ARVCF: variants seen among roughly 807,000 people sequenced by gnomAD.
ARVCF encodes ARVCF delta catenin family member, also known as splicing regulator ARVCF.
ARVCF carries 66 observed loss-of-function variants against 90.9 expected under a neutral mutation model. The observed-to-expected ratio is 0.73, with a 90% CI of 0.60 to 0.89. ARVCF has a LOEUF of 0.89. ARVCF is among the 40% of genes least tolerant of loss of function. ARVCF has a pLI of 0.00. For missense variants in ARVCF, 1,469 were observed against 1,382.3 expected (o/e 1.06, Z -1.00); for synonymous variants, 653 against 603.4 (o/e 1.08, Z -1.21).
At chr22:19,986,367 C>T (rs1370187754) in intron 3 of ARVCF, among the ~76,000 whole-genome samples, 6 of 152,204 alleles carry the variant, frequency 3.9e-5, no homozygotes, top group Non-Finnish European at 5.9e-5. Flanking sequence ...CTCAGTTTCC[C>T]TGCCTGTTAC....
chr22:19,970,485 A>C lies in ARVCF; in HGVS notation c.*271T>G. ...TCCCTGGGCCCTGCCCCAGCAGCCC[A>C]GTCGGCCTCCTCGGGCCTTCTGTCA... On this transcript the variant is annotated 3_prime_UTR_variant, in exon 20 of 20. Transcript: ENST00000263207. 1 of 1,062,918 alleles carries C rather than the reference A, an allele frequency of 9.4e-7. No individual in the cohort carries two copies. Among genetic ancestry groups the C allele is most frequent in the Non-Finnish European group, 1.1e-6 (1 of 874,390 alleles). The allele number at this position is 1,062,918 out of a possible 1,614,324, so 65.8% of individuals were successfully genotyped here.
chr22:20,014,316 T>A (rs551419928), intron 1 of ARVCF, among the ~76,000 whole-genome samples: 1 of 152,050 alleles, frequency 6.6e-6, no homozygotes, highest in East Asian at 1.9e-4. Context: ...TGCCTCAGCC[T>A]CTTGAGTAGC....
intron 10 of ARVCF, 122 bp downstream of exon 10, chr22:19,976,584 G>T: frequency 1.5e-6 from 2 of 1,323,526 alleles, no homozygotes; most frequent in South Asian, 1.4e-5. Flanking sequence ...CTGTCATAAA[G>T]ATGGCAGCCC....
Position 19,990,628 on chromosome 22 carries a change from C to A in ARVCF, c.167G>T (p.Ser56Ile). The change falls in exon 3 of 20, where the codon AGT (serine) becomes ATT (isoleucine). Residue 56 changes from serine to isoleucine, a missense_variant. By Grantham distance (142) the Ser-to-Ile change is moderately radical. Coordinates refer to ENST00000263207, the MANE Select transcript of ARVCF (RefSeq NM_001670.3). ...QPGMVSGGMGSGQPLPMAWQQ... is the reference protein window; with the variant it reads ...QPGMVSGGMGIGQPLPMAWQQ... ...CCAGGCCATTGGCAGGGGCTGCCCA[C>A]TGCCCATGCCACCACTGACCATGCC... The A allele has an allele frequency of 6.2e-7, 1 of 1,609,976 alleles. No homozygotes were observed. The highest frequency in any genetic ancestry group is 8.5e-7 in the Non-Finnish European group (1 of 1,178,936).
rs528261566 is a variant in ARVCF at position 19,977,601 on chromosome 22, G to A, written c.1699-15C>T. ...TTCTCCACCGACTGCAGGGAGAGGTGAGTGGGTGGGGCAGGGCACCCTAGG... is the reference window on the plus strand; with the variant it reads ...TTCTCCACCGACTGCAGGGAGAGGTAAGTGGGTGGGGCAGGGCACCCTAGG... On this transcript the variant is annotated splice_polypyrimidine_tract_variant and intron_variant, in intron 8 of 19. Coordinates refer to ENST00000263207, the MANE Select transcript of ARVCF (RefSeq NM_001670.3). 15 of 1,507,684 alleles carry A rather than the reference G, an allele frequency of 9.9e-6. No individual in the cohort carries two copies. In the East Asian group the frequency reaches 2.9e-4, roughly 29 times the overall value. The allele number at this position is 1,507,684 out of a possible 1,614,324, so 93.4% of individuals were successfully genotyped here.
downstream of ARVCF, chr22:19,967,232 G>A: frequency 7.7e-7 from 1 of 1,303,218 alleles, no homozygotes; most frequent in Non-Finnish European, 1.0e-6. Context: ...TTGGGCTCCT[G>A]AGTCCCCTGG....
intron 2 of ARVCF, among the ~76,000 whole-genome samples, chr22:19,993,410 C>T (rs1261035372): frequency 6.6e-6 from 1 of 152,234 alleles, no homozygotes; most frequent in Non-Finnish European, 1.5e-5. Flanking sequence ...GCAAAATGTG[C>T]ATGGATTCTT....
intron 2 of ARVCF, among the ~76,000 whole-genome samples, chr22:20,008,479 T>C (rs1488127933): frequency 6.6e-6 from 1 of 152,170 alleles, no homozygotes; most frequent in Non-Finnish European, 1.5e-5. Context: ...GGTTCCTCTG[T>C]GTGTTGTGGA....
downstream of ARVCF, chr22:19,967,393 A>AT (rs61143203): frequency 0.19 from 69,793 of 359,096 alleles, 2,695 homozygotes; most frequent in African/African-American, 0.33. Context: ...TTGCTAGGAC[A>AT]TTTTTTTTTT....
intron 2 of ARVCF, among the ~76,000 whole-genome samples, chr22:19,993,796 A>C (rs1944119387): frequency 6.6e-6 from 1 of 152,246 alleles, no homozygotes; most frequent in African/African-American, 2.4e-5. Context: ...AACATCAGGA[A>C]CTGAAGGGGG....
At chr22:19,984,889 T>A (rs1288784304) in intron 3 of ARVCF, among the ~76,000 whole-genome samples, 1 of 152,148 alleles carries the variant, frequency 6.6e-6, no homozygotes, top group Non-Finnish European at 1.5e-5. Context: ...GAAACTGAGG[T>A]GTAGAGTAGT....
In ARVCF at chr22:20,003,755, A is replaced by G. The variant is rs147839868; in HGVS notation, c.-19+6700T>C. ...TGAAAGCTATATGTGAAAAGCCCAT[A>G]ACATCATACTCAATGGTGAAAGACT... On this transcript the variant is annotated intron_variant, in intron 2 of 19. Coordinates refer to ENST00000263207, the MANE Select transcript of ARVCF (RefSeq NM_001670.3). Among the ~76,000 whole-genome samples the G allele has an allele frequency of 1.6e-3, 251 of 152,358 alleles. 1 individual carries two copies. The highest frequency in any genetic ancestry group is 5.7e-3 in the African/African-American group (239 of 41,590).
At chr22:19,969,779 C>G, downstream of ARVCF, 1 of 948,484 alleles carries the variant, frequency 1.1e-6, no homozygotes, top group Non-Finnish European at 1.3e-6. Context: ...CTGCAGGACA[C>G]AGCAGATGGG....
At chr22:19,988,466 C>T (rs1297421164) in intron 3 of ARVCF, among the ~76,000 whole-genome samples, 2 of 152,268 alleles carry the variant, frequency 1.3e-5, no homozygotes, top group Admixed American at 6.5e-5. Context: ...AGGCAAGTTC[C>T]CTGATGGCAC....
At position 19,970,716 on chromosome 22, in the gene ARVCF, C is replaced by A; in HGVS notation, c.*40G>T. On this transcript the variant is annotated 3_prime_UTR_variant, in exon 20 of 20. Coordinates refer to ENST00000263207, the MANE Select transcript of ARVCF (RefSeq NM_001670.3). The stretch of plus-strand genomic sequence containing the variant: ...GTGGCCCTTCTTCCACGATCCAAGC[C>A]CTAAGAACAAGAGGCTGGGCCTGGG... 1.6e-6 allele frequency: 2 copies of A among 1,286,970 alleles called. No individual in the cohort carries two copies. Among genetic ancestry groups the A allele is most frequent in the East Asian group, 5.6e-5 (1 of 17,834 alleles). 79.7% of individuals were successfully genotyped at this position (1,286,970 alleles called of 1,614,324 possible). A position where few individuals can be genotyped will look rare whatever the true frequency, so the allele number is the denominator to read the frequency against.
intron 2 of ARVCF, among the ~76,000 whole-genome samples, chr22:20,005,387 A>G (rs941252054): frequency 4.0e-5 from 6 of 151,356 alleles, no homozygotes; most frequent in African/African-American, 9.7e-5. Context: ...AAAAAAAAAA[A>G]GTTTTGGCAG....
chr22:19,971,398 A>G lies in ARVCF; in HGVS notation c.2782-63T>C, dbSNP rs1942775051. The G allele has an allele frequency of 2.0e-6, 3 of 1,510,558 alleles. No homozygotes were observed. In the South Asian group the frequency reaches 3.8e-5, roughly 19 times the overall value. The allele number at this position is 1,510,558 out of a possible 1,614,324, so 93.6% of individuals were successfully genotyped here. ...CAGGTTAGTTAGAGCTCCTGGGGGG[A>G]CAGGGCAGGGGCAGGGCCGAGGCTG... On this transcript the variant is annotated intron_variant, in intron 18 of 19. Coordinates refer to ENST00000263207, the MANE Select transcript of ARVCF (RefSeq NM_001670.3).
intron 15 of ARVCF, 46 bp from the exon 16 acceptor site, chr22:19,972,873 G>A (rs779896841): frequency 6.2e-7 from 1 of 1,613,664 alleles, no homozygotes. Flanking sequence ...CACATGGAGT[G>A]GGAATAAGGC....
At chr22:19,979,229 G>A (rs961250438) in intron 6 of ARVCF, 149 bp from the exon 7 acceptor site, 4 of 845,754 alleles carry the variant, frequency 4.7e-6, no homozygotes, top group Non-Finnish European at 7.2e-6. Context: ...GTGGTTCCGG[G>A]GGACACCCAG....
Sources: allele counts gnomAD v4.1 joint callset (sites outside exome capture counted in the v4.1 genomes callset), GRCh38; gene constraint gnomAD v4.1.1; transcripts MANE v1.5; gene names NCBI Gene and HGNC (gene_info 2026-07-23, HGNC 2026-07-21).